The following SOCS2 variants were observed in gnomAD, a reference collection of about 807,000 sequenced individuals.
The protein encoded by SOCS2 is suppressor of cytokine signaling 2.
A neutral mutation model predicts 18.6 loss-of-function variants in SOCS2; 10 were observed. The ratio of observed to expected loss-of-function variants is 0.54; its 90% CI spans 0.33 to 0.91. The LOEUF (loss-of-function observed/expected upper bound fraction) is 0.91. SOCS2 is among the 40% of genes least tolerant of loss of function. The pLI, the probability that SOCS2 is intolerant of heterozygous loss-of-function variation, is 0.02. For missense variants in SOCS2, 231 were observed against 247.2 expected, an observed-to-expected ratio of 0.93 and a Z score of 0.44; for synonymous variants, 104 against 104.0, an observed-to-expected ratio of 1.00 and a Z score of 0.00.
downstream of SOCS2, among the ~76,000 whole-genome samples, chr12:93,584,222 A>C (rs1448868344): frequency 2.0e-5 from 3 of 152,208 alleles, no homozygotes; most frequent in African/African-American, 7.2e-5. Flanking sequence ...ATTACAGTAG[A>C]GGGAACTTAA....
the SOCS2 span, among the ~76,000 whole-genome samples, chr12:93,600,340 T>G: frequency 6.6e-6 from 1 of 152,168 alleles, no homozygotes; most frequent in African/African-American, 2.4e-5. Flanking sequence ...TCTGCTCTTC[T>G]ATTTGTCCGT....
the SOCS2 span, among the ~76,000 whole-genome samples, chr12:93,614,537 TTCC>T: frequency 6.0e-4 from 52 of 87,132 alleles, 1 homozygote; most frequent in Admixed American, 1.2e-3. Flanking sequence ...CCTTCCTTCC[TTCC>T]TTCTTTCTTT....
chr12:93,614,537 T>C, the SOCS2 span, among the ~76,000 whole-genome samples: 1 of 87,132 alleles, frequency 1.1e-5, no homozygotes, highest in African/African-American at 6.4e-5. Context: ...CCTTCCTTCC[T>C]TCCTTCTTTC....
Position 93,582,709 on chromosome 12 carries a change from A to G in SOCS2, c.117-314A>G, listed in dbSNP as rs139300069. Among the ~76,000 whole-genome samples the G allele has an allele frequency of 4.4e-3, 667 of 152,300 alleles. 7 individuals are homozygous for G. Among genetic ancestry groups the G allele is most frequent in the African/African-American group, 0.015 (626 of 41,572 alleles). ...CAGCGGGCACAACCCTGAACTAGGAATTGGAAAACTTGGGGTCCACTCTGG... is the reference window on the plus strand; with the variant it reads ...CAGCGGGCACAACCCTGAACTAGGAGTTGGAAAACTTGGGGTCCACTCTGG... On this transcript the variant is annotated intron_variant, in intron 1 of 1. Coordinates refer to the SOCS2 transcript ENST00000549510.
At chr12:93,589,593 CA>C in the SOCS2 span, among the ~76,000 whole-genome samples, 1 of 152,190 alleles carries the variant, frequency 6.6e-6, no homozygotes, top group Admixed American at 6.5e-5. Context: ...ATGTTCTTGG[CA>C]GCAGTGGTTG....
At chr12:93,571,509 C>G, upstream of SOCS2, 1 of 166,738 alleles carries the variant, frequency 6.0e-6, no homozygotes, top group Non-Finnish European at 1.3e-5. Context: ...CCGCTCCTCC[C>G]CACCGGCCTG....
chr12:93,612,334 T>G, the SOCS2 span, among the ~76,000 whole-genome samples: 1 of 152,232 alleles, frequency 6.6e-6, no homozygotes, highest in South Asian at 2.1e-4. Context: ...CACCTGTCCT[T>G]TGGAGCACCA....
the SOCS2 span, among the ~76,000 whole-genome samples, chr12:93,604,271 C>T: frequency 3.9e-5 from 6 of 152,020 alleles, no homozygotes; most frequent in African/African-American, 1.5e-4. Flanking sequence ...ATGTGAAAAG[C>T]AGACGACATT....
intron 1 of SOCS2, 198 bp downstream of exon 1, chr12:93,573,234 C>G (rs930968986): frequency 1.5e-6 from 1 of 670,908 alleles, no homozygotes; most frequent in African/African-American, 1.8e-5. Context: ...GGACTCAGGC[C>G]TGGCGGAGCG....
At chr12:93,576,841 G>C (rs1954472841), downstream of SOCS2, 1 of 152,232 alleles carries the variant, frequency 6.6e-6, no homozygotes, top group African/African-American at 2.4e-5. Context: ...AAACACAAAA[G>C]ATTGCTAGGT....
downstream of SOCS2, among the ~76,000 whole-genome samples, chr12:93,588,429 T>C (rs1954597122): frequency 6.6e-6 from 1 of 152,192 alleles, no homozygotes; most frequent in African/African-American, 2.4e-5. Flanking sequence ...TTTTATGATT[T>C]AAGCACAGTA....
At chr12:93,611,525 C>T in the SOCS2 span, among the ~76,000 whole-genome samples, 1 of 152,218 alleles carries the variant, frequency 6.6e-6, no homozygotes, top group Non-Finnish European at 1.5e-5. Context: ...GCATGAGCCA[C>T]CTCGTCTGGC....
At chr12:93,571,702 A>G (rs1248582871), upstream of SOCS2, 2 of 287,458 alleles carry the variant, frequency 7.0e-6, no homozygotes, top group East Asian at 1.7e-4. Flanking sequence ...CCCTCTGCGC[A>G]CGGAACTCCG....
the SOCS2 span, among the ~76,000 whole-genome samples, chr12:93,598,839 T>C: frequency 3.9e-5 from 6 of 152,206 alleles, no homozygotes; most frequent in Non-Finnish European, 7.3e-5. Flanking sequence ...AGAGTTTCTC[T>C]GGAGTGTATA....
chr12:93,625,718 A>G, the SOCS2 span, among the ~76,000 whole-genome samples: 5 of 148,032 alleles, frequency 3.4e-5, no homozygotes, highest in East Asian at 1.0e-3. Context: ...ACTGCACTCC[A>G]GCCTGGGCAA....
At chr12:93,589,786 A>G in the SOCS2 span, among the ~76,000 whole-genome samples, 2 of 152,238 alleles carry the variant, frequency 1.3e-5, no homozygotes, top group Non-Finnish European at 2.9e-5. Flanking sequence ...TCCAGGAGAA[A>G]CACATGTAGA....
chr12:93,620,138 T>C, the SOCS2 span, among the ~76,000 whole-genome samples: 1 of 151,404 alleles, frequency 6.6e-6, no homozygotes, highest in Admixed American at 6.5e-5. Context: ...TCATTTTCAA[T>C]GTCTTTTTTT....
downstream of SOCS2, among the ~76,000 whole-genome samples, chr12:93,577,902 C>T (rs1413543124): frequency 6.6e-6 from 1 of 152,140 alleles, no homozygotes; most frequent in African/African-American, 2.4e-5. Context: ...CTCACCAAAG[C>T]CTGGAAGAAT....
In SOCS2 at chr12:93,575,109, G is replaced by A. The variant is rs758285458; in HGVS notation, c.527G>A (p.Gly176Asp). The A allele has an allele frequency of 6.2e-7, 1 of 1,608,424 alleles. No individual in the cohort carries two copies. Among genetic ancestry groups the A allele is most frequent in the South Asian group, 1.1e-5 (1 of 89,456 alleles). ...AGGCTCACCATTAACAAATGTACCG[G>A]TGCCATCTGGGGACTGCCTTTACCA... ...LCRLTINKCT[G>D]AIWGLPLPTR... is the part of the protein sequence containing the mutation. The change falls in exon 2 of 2, where the codon GGT becomes GAT. Residue 176 changes from glycine (G) to aspartate (D), a missense_variant. Transcript: ENST00000551556.
Sources: gnomAD v4.1 joint callset for allele counts (sites outside exome capture counted in the v4.1 genomes callset) on GRCh38, gnomAD v4.1.1 for gene constraint, MANE v1.5 for transcripts, NCBI Gene and HGNC (gene_info 2026-07-23, HGNC 2026-07-21) for gene names.